NSG1: variants seen among roughly 807,000 people sequenced by gnomAD.
NSG1 encodes neuronal vesicle trafficking associated 1.
NSG1 carries 9 observed loss-of-function variants against 19.3 expected under a neutral mutation model. That is an observed-to-expected ratio of 0.47 (90% CI 0.28 to 0.81). The LOEUF is 0.81. Ranked by LOEUF, NSG1 falls within the 40% of genes least tolerant of loss-of-function variation. NSG1 has a pLI of 0.11. For synonymous variants in NSG1, 104 were observed against 107.0 expected (o/e 0.97, Z 0.17); for missense variants, 236 against 242.4 (o/e 0.97, Z 0.18).
intron 4 of NSG1, among the ~76,000 whole-genome samples, chr4:4,414,741 T>G (rs1210419229): frequency 1.3e-5 from 2 of 152,156 alleles, no homozygotes; most frequent in African/African-American, 4.8e-5. Context: ...TCAGTTCACT[T>G]GGTACAGTCA....
chr4:4,390,101 A>G (rs1339665245), intron 2 of NSG1, among the ~76,000 whole-genome samples: 3 of 152,272 alleles, frequency 2.0e-5, no homozygotes, highest in Non-Finnish European at 2.9e-5. Flanking sequence ...CCTCAGCAGT[A>G]GCCTTATTTC....
At chr4:4,407,778 A>G (rs899988113) in intron 3 of NSG1, among the ~76,000 whole-genome samples, 27 of 152,086 alleles carry the variant, frequency 1.8e-4, no homozygotes, top group African/African-American at 6.5e-4. Context: ...CCCATGTCAT[A>G]GGGAAGGAGT....
At chr4:4,416,246 C>T (rs1252643511) in intron 4 of NSG1, 45 of 701,238 alleles carry the variant, frequency 6.4e-5, no homozygotes, top group East Asian at 3.2e-4. Context: ...TCTCCTGTAG[C>T]GCCGCCCTCC....
intron 3 of NSG1, among the ~76,000 whole-genome samples, chr4:4,406,458 C>T (rs1723860972): frequency 6.6e-6 from 1 of 152,222 alleles, no homozygotes; most frequent in African/African-American, 2.4e-5. Flanking sequence ...CCAAGTCCTT[C>T]TGGACCACCC....
In NSG1 at chr4:4,400,471, C is replaced by T. The variant is rs138054679; in HGVS notation, c.246+8880C>T. Among the ~76,000 whole-genome samples, 8 of 152,222 alleles carry T rather than the reference C, an allele frequency of 5.3e-5. No individual in the cohort carries two copies. In the East Asian group the frequency reaches 1.2e-3, roughly 22 times the overall value. ...TAGGGTCCCTTGTAATTTCCATTTT[C>T]GGCAAACAAACAAAAAGACCTTTGG... On this transcript the variant is annotated intron_variant, in intron 3 of 4. Transcript: ENST00000621129.
intron 4 of NSG1, among the ~76,000 whole-genome samples, chr4:4,415,352 T>G (rs900642127): frequency 1.3e-5 from 2 of 152,022 alleles, no homozygotes; most frequent in African/African-American, 4.8e-5. Flanking sequence ...CCCAGAGAAG[T>G]TGGGGAACCT....
At chr4:4,388,418 A>C (rs1436261953) in intron 2 of NSG1, among the ~76,000 whole-genome samples, 1 of 152,244 alleles carries the variant, frequency 6.6e-6, no homozygotes, top group Non-Finnish European at 1.5e-5. Context: ...TTTCTGCTGA[A>C]TTTAAAGAAT....
chr4:4,391,201 G>T (rs1018403289), intron 2 of NSG1, among the ~76,000 whole-genome samples: 2 of 152,212 alleles, frequency 1.3e-5, no homozygotes, highest in Admixed American at 1.3e-4. Context: ...CCGCCCTGCC[G>T]CCTATAAACC....
At chr4:4,399,403 A>G (rs1478478787) in intron 3 of NSG1, among the ~76,000 whole-genome samples, 1 of 152,196 alleles carries the variant, frequency 6.6e-6, no homozygotes, top group African/African-American at 2.4e-5. Context: ...TTGGGCTCCC[A>G]AAGTGCTGGG....
intron 3 of NSG1, among the ~76,000 whole-genome samples, chr4:4,397,167 T>A (rs1223376189): frequency 6.7e-6 from 1 of 149,886 alleles, no homozygotes; most frequent in African/African-American, 2.5e-5. Flanking sequence ...TTTTTTTTTT[T>A]AAACTGAATT....
intron 3 of NSG1, among the ~76,000 whole-genome samples, chr4:4,394,724 A>T (rs141719388): frequency 6.6e-6 from 1 of 152,208 alleles, no homozygotes; most frequent in African/African-American, 2.4e-5. Context: ...TCTTGCACAC[A>T]CAGTAACAGC....
Position 4,409,704 on chromosome 4 carries a change from A to G in NSG1, c.357+21A>G, listed in dbSNP as rs751606477. The G allele has an allele frequency of 1.9e-6, 3 of 1,593,266 alleles. No individual in the cohort carries two copies. The South Asian group carries it at 3.3e-5, about 18-fold the overall frequency. On this transcript the variant is annotated intron_variant, in intron 4 of 4. Transcript: ENST00000621129. ...TCAAGGTAAAACTCCGTTTTCCCCCAGAGGCCCTGGGACGCCTTTGCACCC... is the reference window on the plus strand; with the variant it reads ...TCAAGGTAAAACTCCGTTTTCCCCCGGAGGCCCTGGGACGCCTTTGCACCC...
Position 4,417,366 on chromosome 4 carries a change from C to T in NSG1, c.489C>T (p.Pro163=). 1 of 1,614,178 alleles carries T rather than the reference C, an allele frequency of 6.2e-7. No homozygotes were observed. The highest frequency in any genetic ancestry group is 2.2e-5 in the East Asian group (1 of 44,882). ...AKQSITRSVS[P]WMSVLSEEKL... is the part of the protein sequence containing the mutation. ...AGAGCATCACGCGCTCCGTATCGCC[C>T]TGGATGTCAGTTCTGTCAGAAGAGA... Residue 163 remains proline, a synonymous_variant, in exon 5 of 5, where the codon CCC becomes CCT. Coordinates refer to ENST00000621129, the MANE Select transcript of NSG1 (RefSeq NM_014392.5).
chr4:4,402,318 G>A (rs1577287136), intron 3 of NSG1, among the ~76,000 whole-genome samples: 1 of 141,868 alleles, frequency 7.0e-6, no homozygotes, highest in South Asian at 2.3e-4. Context: ...TGATTCTTCT[G>A]CCTCAGCCCT....
chr4:4,386,760 G>C (rs1354712255), upstream of NSG1: 1 of 153,304 alleles, frequency 6.5e-6, no homozygotes, highest in African/African-American at 2.4e-5. Context: ...CTCGCGCCCA[G>C]GCCGCCGCCC....
chr4:4,415,549 C>G (rs1477790198), intron 4 of NSG1, among the ~76,000 whole-genome samples: 1 of 145,330 alleles, frequency 6.9e-6, no homozygotes, highest in Non-Finnish European at 1.5e-5. Flanking sequence ...AAGCCCTTCA[C>G]CCCCTGGGGT....
At position 4,404,962 on chromosome 4, in the gene NSG1, G is replaced by T. The variant is rs191860679; in HGVS notation, c.247-4611G>T. Among the ~76,000 whole-genome samples, 560 of 152,244 alleles carry T rather than the reference G, an allele frequency of 3.7e-3. 1 individual carries two copies. The highest frequency in any genetic ancestry group is 5.9e-3 in the Non-Finnish European group (401 of 68,018). On this transcript the variant is annotated intron_variant, in intron 3 of 4. Coordinates refer to ENST00000621129, the MANE Select transcript of NSG1 (RefSeq NM_014392.5). ...AACGGGGTAATGGCAGAGAGAACAAGTATGGGGGAGGGGAGCCAGTCCTGA... is the reference window on the plus strand; with the variant it reads ...AACGGGGTAATGGCAGAGAGAACAATTATGGGGGAGGGGAGCCAGTCCTGA...
chr4:4,405,884 C>T (rs1022964915), intron 3 of NSG1, among the ~76,000 whole-genome samples: 1 of 152,070 alleles, frequency 6.6e-6, no homozygotes, highest in South Asian at 2.1e-4. Context: ...AGGACACCCC[C>T]GAGGAGGTGG....
chr4:4,406,611 G>C (rs942484469), intron 3 of NSG1, among the ~76,000 whole-genome samples: 1 of 152,126 alleles, frequency 6.6e-6, no homozygotes, highest in Non-Finnish European at 1.5e-5. Flanking sequence ...GCACACCCCA[G>C]GGCCAGTGAG....
Sources: allele counts gnomAD v4.1 joint callset (sites outside exome capture counted in the v4.1 genomes callset), GRCh38; gene constraint gnomAD v4.1.1; transcripts MANE v1.5; gene names NCBI Gene and HGNC (gene_info 2026-07-23, HGNC 2026-07-21).